SLCO2B1: variants seen among roughly 807,000 people sequenced by gnomAD.
SLCO2B1 encodes the protein solute carrier organic anion transporter family member 2B1.
In SLCO2B1, 41 loss-of-function variants were observed where a neutral mutation model predicts 67.3. That is an observed-to-expected ratio of 0.61 (90% CI 0.47 to 0.79). SLCO2B1 has a LOEUF of 0.79. SLCO2B1 is among the 30% of genes least tolerant of loss of function. The probability of loss-of-function intolerance (pLI) is 0.00; values close to 1 mark genes in which losing one functional copy is unlikely to be tolerated. For missense variants in SLCO2B1, 837 were observed against 920.1 expected (o/e 0.91, Z 1.17); for synonymous variants, 379 against 381.4 (o/e 0.99, Z 0.07).
chr11:75,204,524 G>A lies in SLCO2B1; in HGVS notation c.2074G>A (p.Glu692Lys). The change falls in exon 14 of 14, where the codon GAG becomes AAG. Residue 692 changes from glutamate (E) to lysine (K), a missense_variant. Glu to Lys is a moderately conservative substitution (Grantham distance 56). Coordinates refer to ENST00000289575, the MANE Select transcript of SLCO2B1 (RefSeq NM_007256.5). ...AGAGAGCAGATCCAGCCCTGCCGTA[G>A]AGCAGCAATTGCTAGTGTCGGGGCC... The part of the protein sequence containing the change: ...TKESRSSPAV[E>K]QQLLVSGPGK... The A allele has an allele frequency of 3.1e-6, 5 of 1,613,316 alleles. No homozygotes were observed. In the South Asian group the frequency reaches 5.5e-5, roughly 18 times the overall value.
chr11:75,183,482 G>A (rs921568647), intron 7 of SLCO2B1, among the ~76,000 whole-genome samples: 3 of 149,084 alleles, frequency 2.0e-5, no homozygotes, highest in African/African-American at 7.3e-5. Flanking sequence ...TAATTCTCCA[G>A]TCCTGCATCA....
intron 9 of SLCO2B1, among the ~76,000 whole-genome samples, chr11:75,194,574 T>TA (rs1401912937): frequency 1.3e-5 from 2 of 149,646 alleles, no homozygotes; most frequent in Admixed American, 6.6e-5. Context: ...CCTTTCATTC[T>TA]CTGCCCCTCT....
chr11:75,153,658 T>G (rs906081327), intron 1 of SLCO2B1, among the ~76,000 whole-genome samples: 1 of 152,226 alleles, frequency 6.6e-6, no homozygotes, highest in African/African-American at 2.4e-5. Flanking sequence ...GAAAAGTGAC[T>G]ACACCTGCAT....
intron 1 of SLCO2B1, among the ~76,000 whole-genome samples, chr11:75,155,411 G>A (rs951463618): frequency 3.3e-5 from 5 of 151,996 alleles, no homozygotes; most frequent in South Asian, 2.1e-4. Flanking sequence ...CACAGACCCC[G>A]TGCTCCAGCC....
In SLCO2B1 at chr11:75,196,547, C is replaced by CA. The variant is rs1359451240; in HGVS notation, c.1468dup (p.Met490AsnfsTer12). ...CTGGGCTGGAGCTGTCTCCAAGCTG[C>CA]ATGGAGGCCTGCTCCTGCCCATTGG... On this transcript the variant is annotated frameshift_variant, in exon 10 of 14. Transcript: ENST00000289575. LOFTEE classifies it high-confidence loss of function. 3.7e-6 allele frequency: 6 copies of CA among 1,614,048 alleles called. No homozygotes were observed. The highest frequency in any genetic ancestry group is 5.1e-6 in the Non-Finnish European group (6 of 1,180,006).
chr11:75,158,671 A>G (rs911560307), intron 1 of SLCO2B1, among the ~76,000 whole-genome samples: 2 of 152,220 alleles, frequency 1.3e-5, no homozygotes, highest in African/African-American at 4.8e-5. Flanking sequence ...CCTGAATTCC[A>G]TCAGTAAATA....
intron 11 of SLCO2B1, 21 bp from the exon 12 acceptor site, chr11:75,202,880 G>C (rs202234541): frequency 3.2e-4 from 511 of 1,612,240 alleles, no homozygotes; most frequent in Non-Finnish European, 4.0e-4. Flanking sequence ...ACCTCATGTT[G>C]CCCATGTCTC....
rs1591810790 is a variant in SLCO2B1 at position 75,162,888 on chromosome 11, C to T, written c.147+103C>T. On this transcript the variant is annotated intron_variant, in intron 2 of 13. Coordinates refer to ENST00000289575, the MANE Select transcript of SLCO2B1 (RefSeq NM_007256.5). ...GAAGACTTTCTCTGAGCCTCGGTTTCCTCATCTATAGAATGTGTGGCTGTG... is the reference window on the plus strand; with the variant it reads ...GAAGACTTTCTCTGAGCCTCGGTTTTCTCATCTATAGAATGTGTGGCTGTG... 5 of 1,358,802 alleles carry T rather than the reference C, an allele frequency of 3.7e-6. No homozygotes were observed. The African/African-American group carries it at 4.4e-5, about 12-fold the overall frequency. The allele number at this position is 1,358,802 out of a possible 1,614,324, so 84.2% of individuals were successfully genotyped here.
intron 7 of SLCO2B1, among the ~76,000 whole-genome samples, chr11:75,186,999 T>C (rs1410013997): frequency 6.6e-6 from 1 of 152,204 alleles, no homozygotes; most frequent in African/African-American, 2.4e-5. Context: ...TAAGTTGAAA[T>C]AAGTTATTTT....
At chr11:75,190,646 G>A (rs1023799403) in intron 8 of SLCO2B1, among the ~76,000 whole-genome samples, 3 of 152,216 alleles carry the variant, frequency 2.0e-5, no homozygotes, top group South Asian at 2.1e-4. Flanking sequence ...TAAGGGAGAC[G>A]TAGTCCTTGA....
chr11:75,190,593 T>C (rs1290030015), intron 8 of SLCO2B1, among the ~76,000 whole-genome samples: 1 of 152,116 alleles, frequency 6.6e-6, no homozygotes, highest in Non-Finnish European at 1.5e-5. Context: ...CCTTGTCTGA[T>C]GGAAGAGACC....
chr11:75,159,200 G>A (rs957308176), intron 1 of SLCO2B1, among the ~76,000 whole-genome samples: 1 of 152,242 alleles, frequency 6.6e-6, no homozygotes, highest in Non-Finnish European at 1.5e-5. Flanking sequence ...CGATGTGCCT[G>A]CATGAGTGAT....
chr11:75,187,547 T>C (rs1944954938), intron 7 of SLCO2B1, among the ~76,000 whole-genome samples: 1 of 152,220 alleles, frequency 6.6e-6, no homozygotes, highest in Admixed American at 6.5e-5. Context: ...CTGGTGATAC[T>C]GATCTTGGTG....
At chr11:75,166,091 C>G in intron 4 of SLCO2B1, 142 bp downstream of exon 4, 1 of 1,055,110 alleles carries the variant, frequency 9.5e-7, no homozygotes, top group Non-Finnish European at 1.3e-6. Context: ...CCCCCCCAAC[C>G]TGGCTCCCCA....
At chr11:75,152,370 C>T (rs1949702669) in intron 1 of SLCO2B1, 1 of 152,398 alleles carries the variant, frequency 6.6e-6, no homozygotes, top group African/African-American at 2.4e-5. Context: ...GCAGGGAGAG[C>T]TTCATAGGCC....
At chr11:75,162,093 G>T (rs1565533053) in intron 1 of SLCO2B1, among the ~76,000 whole-genome samples, 2 of 152,222 alleles carry the variant, frequency 1.3e-5, no homozygotes, top group East Asian at 3.9e-4. Flanking sequence ...TTAGCTCTGT[G>T]ATGACATGCA....
At chr11:75,188,747 G>A (rs768018135) in intron 8 of SLCO2B1, among the ~76,000 whole-genome samples, 12 of 151,988 alleles carry the variant, frequency 7.9e-5, no homozygotes, top group South Asian at 2.1e-4. Context: ...TTCCCTATCC[G>A]TCTAGGTCCA....
chr11:75,204,343 A>G, intron 13 of SLCO2B1, 57 bp from the exon 14 acceptor site: 1 of 1,501,180 alleles, frequency 6.7e-7, no homozygotes. Context: ...ATGACTGCTG[A>G]CGTCCATGCC....
chr11:75,158,955 C>T (rs953719634), intron 1 of SLCO2B1, among the ~76,000 whole-genome samples: 1 of 152,186 alleles, frequency 6.6e-6, no homozygotes, highest in African/African-American at 2.4e-5. Context: ...CCTCATCACC[C>T]AGACTCAGGT....
Sources: allele counts gnomAD v4.1 joint callset (sites outside exome capture counted in the v4.1 genomes callset), GRCh38; gene constraint gnomAD v4.1.1; transcripts MANE v1.5; gene names NCBI Gene and HGNC (gene_info 2026-07-23, HGNC 2026-07-21).